UBR2: variants seen among roughly 807,000 people sequenced by gnomAD.
UBR2 encodes ubiquitin protein ligase E3 component n-recognin 2.
In UBR2, 92 loss-of-function variants were observed where a neutral mutation model predicts 247.9. The observed-to-expected ratio is 0.37, with a 90% CI of 0.31 to 0.44. The LOEUF is 0.44. UBR2 is among the 20% of genes least tolerant of loss of function. UBR2 has a pLI of 1.00. For synonymous variants in UBR2, 672 were observed against 693.5 expected, an observed-to-expected ratio of 0.97 and a Z score of 0.49; for missense variants, 1,613 against 2,112.6, an observed-to-expected ratio of 0.76 and a Z score of 4.64.
In UBR2 at chr6:42,635,499, A is replaced by C; in HGVS notation, c.1627A>C (p.Lys543Gln). The C allele has an allele frequency of 6.2e-7, 1 of 1,613,590 alleles. No homozygotes were observed. The highest frequency in any genetic ancestry group is 8.5e-7 in the Non-Finnish European group (1 of 1,179,604). ...GGAAGCAGCCTTCACACTACAAATG[A>C]AATTAACACATGTCATTTCAATGAT... ...EWEAAFTLQM[K>Q]LTHVISMMQD... Residue 543 changes from lysine (K) to glutamine (Q), a missense_variant, in exon 14 of 47, where the codon AAA becomes CAA. By Grantham distance (53) the Lys-to-Gln change is moderately conservative. Coordinates refer to ENST00000372901, the MANE Select transcript of UBR2 (RefSeq NM_001363705.2).
At chr6:42,655,554 A>G in intron 25 of UBR2, 67 bp from the exon 26 acceptor site, 2 of 859,428 alleles carry the variant, frequency 2.3e-6, no homozygotes, top group Admixed American at 6.0e-5. Flanking sequence ...CTTTTTTCCT[A>G]TTTCTTATTA....
intron 45 of UBR2, among the ~76,000 whole-genome samples, chr6:42,688,601 C>T (rs1392216596): frequency 6.6e-6 from 1 of 152,202 alleles, no homozygotes; most frequent in Non-Finnish European, 1.5e-5. Context: ...ACTCCTCTTC[C>T]CTCAACCATA....
intron 8 of UBR2, 29 bp from the exon 9 acceptor site, chr6:42,615,042 T>C: frequency 6.3e-7 from 1 of 1,578,450 alleles, no homozygotes; most frequent in South Asian, 1.1e-5. Context: ...GAAGTTGCTA[T>C]CTCATTCTAC....
At chr6:42,617,104 A>G (rs1794607363) in intron 10 of UBR2, 5 of 708,462 alleles carry the variant, frequency 7.1e-6, no homozygotes, top group Non-Finnish European at 1.2e-5. Flanking sequence ...ACAGGATTCT[A>G]TTGGTAGAAA....
In UBR2 at chr6:42,622,197, T is replaced by C. The variant is rs887076589; in HGVS notation, c.1281+4690T>C. Reference sequence around the variant, plus strand: ...CCACGCCTGGCTAATTTTTGTATTTTTAGTAGAGACAGGGTTTCACCATAT... The same window carrying C: ...CCACGCCTGGCTAATTTTTGTATTTCTAGTAGAGACAGGGTTTCACCATAT... On this transcript the variant is annotated intron_variant, in intron 11 of 46. Transcript: ENST00000372901. Among the ~76,000 whole-genome samples, 3 of 151,980 alleles carry C rather than the reference T, an allele frequency of 2.0e-5. No individual in the cohort carries two copies. The East Asian group carries it at 5.8e-4, about 29-fold the overall frequency.
Position 42,674,254 on chromosome 6 carries a change from T to C in UBR2, c.4251+61T>C, listed in dbSNP as rs1798595255. 18 of 1,517,846 alleles carry C rather than the reference T, an allele frequency of 1.2e-5. No homozygotes were observed. The South Asian group carries it at 2.0e-4, about 16-fold the overall frequency. The allele number at this position is 1,517,846 out of a possible 1,614,324, so 94.0% of individuals were successfully genotyped here. On this transcript the variant is annotated intron_variant, in intron 38 of 46. Coordinates refer to ENST00000372901, the MANE Select transcript of UBR2 (RefSeq NM_001363705.2). ...ATACTATGTAACTTTACCTTAGGTTTGGTGAGCAGTGTAGTGGCAGACAGG... is the reference window on the plus strand; with the variant it reads ...ATACTATGTAACTTTACCTTAGGTTCGGTGAGCAGTGTAGTGGCAGACAGG...
chr6:42,625,801 T>G (rs956384348), intron 11 of UBR2, among the ~76,000 whole-genome samples: 2 of 151,544 alleles, frequency 1.3e-5, no homozygotes, highest in African/African-American at 4.8e-5. Context: ...TTAGTTGCGT[T>G]GATTTATTTT....
chr6:42,590,199 AGGG>A, intron 2 of UBR2, among the ~76,000 whole-genome samples: 1 of 152,226 alleles, frequency 6.6e-6, no homozygotes, highest in East Asian at 1.9e-4. Context: ...TTTTAATACA[AGGG>A]TATATGATTG....
At chr6:42,639,791 T>C (rs909284047) in intron 15 of UBR2, among the ~76,000 whole-genome samples, 7 of 152,218 alleles carry the variant, frequency 4.6e-5, no homozygotes, top group African/African-American at 1.7e-4. Flanking sequence ...TAAAATGTCA[T>C]TGGTGTGTAT....
chr6:42,650,817 A>T (rs1797069502), intron 23 of UBR2, among the ~76,000 whole-genome samples: 1 of 152,196 alleles, frequency 6.6e-6, no homozygotes, highest in South Asian at 2.1e-4. Flanking sequence ...ATAGTTTTTT[A>T]AAACAAATTT....
At chr6:42,592,441 A>C (rs931057533) in intron 3 of UBR2, among the ~76,000 whole-genome samples, 2 of 152,156 alleles carry the variant, frequency 1.3e-5, no homozygotes, top group African/African-American at 4.8e-5. Context: ...AAAAGATAAT[A>C]GAGATATCAG....
chr6:42,642,678 C>A (rs1046565459), intron 18 of UBR2, among the ~76,000 whole-genome samples, 197 bp downstream of exon 18: 1 of 152,114 alleles, frequency 6.6e-6, no homozygotes. Flanking sequence ...TCATATTAAA[C>A]GTATTCAGAA....
chr6:42,691,862 G>C lies in UBR2; in HGVS notation c.*689G>C, dbSNP rs1490431673. 1 of 151,144 alleles carries C rather than the reference G, an allele frequency of 6.6e-6. No individual in the cohort carries two copies. Among genetic ancestry groups the C allele is most frequent in the African/African-American group, 2.4e-5 (1 of 41,078 alleles). The allele number at this position is 151,144 out of a possible 1,614,324, so 9.4% of individuals were successfully genotyped here. ...ACTTAGAGGGCTTTCCAAAAACTTAGGATGGTCTAAAAAATTAGGATATTC... is the reference window on the plus strand; with the variant it reads ...ACTTAGAGGGCTTTCCAAAAACTTACGATGGTCTAAAAAATTAGGATATTC... On this transcript the variant is annotated 3_prime_UTR_variant, in exon 47 of 47. Transcript: ENST00000372901.
Position 42,659,821 on chromosome 6 carries a change from A to G in UBR2, c.3408A>G (p.Leu1136=). 2 of 1,614,180 alleles carry G rather than the reference A, an allele frequency of 1.2e-6. No individual in the cohort carries two copies. Among genetic ancestry groups the G allele is most frequent in the South Asian group, 2.2e-5 (2 of 91,086 alleles). ...CATTTGTTCAGAGATCAACTGTATT[A>G]TCAAAAAACAGAAGTAAATTTATTC... ...LAAFVQRSTV[L]SKNRSKFIQD... Residue 1136 remains leucine (L), a synonymous_variant, in exon 30 of 47, where the codon TTA becomes TTG. Coordinates refer to ENST00000372901, the MANE Select transcript of UBR2 (RefSeq NM_001363705.2). The surrounding 1 kb of genome is among the most constrained non-coding windows in gnomAD (Gnocchi z 4.3).
intron 46 of UBR2, among the ~76,000 whole-genome samples, chr6:42,690,485 C>CCCA (rs1040456520): frequency 2.0e-4 from 31 of 152,344 alleles, no homozygotes; most frequent in African/African-American, 7.5e-4. Context: ...CAGGCAGGAA[C>CCCA]CCACCAAAGC....
At chr6:42,648,389 C>T (rs763203727) in intron 22 of UBR2, among the ~76,000 whole-genome samples, 1 of 152,140 alleles carries the variant, frequency 6.6e-6, no homozygotes, top group African/African-American at 2.4e-5. Flanking sequence ...TGAGGGTTTT[C>T]GTCACATTCA....
At chr6:42,598,266 T>C (rs1037316636) in intron 4 of UBR2, among the ~76,000 whole-genome samples, 1 of 152,228 alleles carries the variant, frequency 6.6e-6, no homozygotes, top group South Asian at 2.1e-4. Flanking sequence ...GAAAATTATA[T>C]GAAATCCAAA....
chr6:42,590,613 G>A (rs1168262948), intron 2 of UBR2, among the ~76,000 whole-genome samples: 4 of 152,214 alleles, frequency 2.6e-5, no homozygotes, highest in African/African-American at 9.7e-5. Context: ...CTGGTAAAGA[G>A]AGCAGTAGGT....
intron 2 of UBR2, among the ~76,000 whole-genome samples, chr6:42,582,985 T>C (rs1269506138): frequency 6.6e-6 from 1 of 152,184 alleles, no homozygotes; most frequent in Non-Finnish European, 1.5e-5. Flanking sequence ...TAAGGTCTTT[T>C]GTCCATTTTT....
Sources: allele counts gnomAD v4.1 joint callset (sites outside exome capture counted in the v4.1 genomes callset), GRCh38; gene constraint gnomAD v4.1.1; non-coding constraint Gnocchi (gnomAD v3.1); transcripts MANE v1.5; gene names NCBI Gene and HGNC (gene_info 2026-07-23, HGNC 2026-07-21).